EFR3A: variants seen among roughly 807,000 people sequenced by gnomAD.
EFR3A encodes the protein protein EFR3 homolog A.
In EFR3A, 76 loss-of-function variants were observed where a neutral mutation model predicts 104.4. The ratio of observed to expected loss-of-function variants is 0.73; its 90% CI spans 0.60 to 0.88. The LOEUF is 0.88. Among genes scored for constraint, EFR3A ranks in the 40% least tolerant of loss-of-function variants. The pLI is 0.00. For missense variants in EFR3A, 985 were observed against 1,012.5 expected (o/e 0.97, Z 0.37); for synonymous variants, 330 against 330.0 (o/e 1.00, Z 0.00).
At chr8:131,923,428 T>C (rs1817147977) in intron 1 of EFR3A, among the ~76,000 whole-genome samples, 1 of 152,066 alleles carries the variant, frequency 6.6e-6, no homozygotes, top group African/African-American at 2.4e-5. Flanking sequence ...TTGTACTCAT[T>C]CTTTCTAATG....
chr8:131,933,086 T>C (rs1817695478), intron 1 of EFR3A, among the ~76,000 whole-genome samples: 1 of 152,172 alleles, frequency 6.6e-6, no homozygotes, highest in Non-Finnish European at 1.5e-5. Context: ...ACAATGAAAA[T>C]GTTCTTTTTT....
rs1165723135 is a variant in EFR3A, at chr8:131,924,452, T to C, written c.11-16047T>C. On this transcript the variant is annotated intron_variant, in intron 1 of 22. Transcript: ENST00000254624. ...AGTCCAGGCTTAACATCCATATATA[T>C]GTACAAGGTTGTCTAAAGTTTTGAG... Among the ~76,000 whole-genome samples the C allele has an allele frequency of 2.0e-5, 3 of 152,114 alleles. No homozygotes were observed. In the East Asian group the frequency reaches 5.8e-4, roughly 29 times the overall value.
At chr8:131,968,216 G>T in intron 8 of EFR3A, 79 bp from the exon 9 acceptor site, 1 of 1,391,910 alleles carries the variant, frequency 7.2e-7, no homozygotes, top group South Asian at 1.4e-5. Context: ...TTACGTGTCA[G>T]GTGTTTTTTT....
chr8:131,929,480 T>A (rs1817476568), intron 1 of EFR3A, among the ~76,000 whole-genome samples: 1 of 152,170 alleles, frequency 6.6e-6, no homozygotes. Flanking sequence ...CTTAATTTAG[T>A]CATTACTTCT....
intron 1 of EFR3A, among the ~76,000 whole-genome samples, chr8:131,924,895 C>G (rs1336847959): frequency 6.6e-6 from 1 of 152,076 alleles, no homozygotes; most frequent in Non-Finnish European, 1.5e-5. Flanking sequence ...GTGGGTCCTT[C>G]TATTCTTTCA....
chr8:131,949,119 C>T (rs1818576448), intron 4 of EFR3A, among the ~76,000 whole-genome samples: 2 of 151,800 alleles, frequency 1.3e-5, no homozygotes, highest in Non-Finnish European at 2.9e-5. Context: ...TAAATAATAT[C>T]AATAAATGAT....
At chr8:131,983,938 AC>A (rs1820743970) in intron 14 of EFR3A, among the ~76,000 whole-genome samples, 200 bp from the exon 15 acceptor site, 1 of 152,200 alleles carries the variant, frequency 6.6e-6, no homozygotes, top group Non-Finnish European at 1.5e-5. Context: ...TTTGTCTTCA[AC>A]TTTAACATTA....
At chr8:131,972,807 T>C (rs1456575528) in intron 10 of EFR3A, among the ~76,000 whole-genome samples, 1 of 152,156 alleles carries the variant, frequency 6.6e-6, no homozygotes, top group African/African-American at 2.4e-5. Context: ...TGGGTAATTT[T>C]TTCACTTATG....
In EFR3A at chr8:132,013,470, CT is replaced by C. The variant is rs1256493473; in HGVS notation, c.*2577del. The C allele has an allele frequency of 6.6e-6, 1 of 152,530 alleles. No individual in the cohort carries two copies. Among genetic ancestry groups the C allele is most frequent in the East Asian group, 1.9e-4 (1 of 5,188 alleles). 9.4% of individuals were successfully genotyped at this position (152,530 alleles called of 1,614,324 possible). ...CTGTCTGAAAATGGAACTAATTTGT[CT>C]TATTCGTGCTTATATCTGTATTAAA... On this transcript the variant is annotated 3_prime_UTR_variant, in exon 23 of 23. Transcript: ENST00000254624.
In EFR3A at chr8:131,966,241, A is replaced by T. The variant is rs546912051; in HGVS notation, c.856-2054A>T. On this transcript the variant is annotated intron_variant, in intron 8 of 22. Transcript: ENST00000254624. ...AATAAATAAATAAAAAGCAACAAAA[A>T]AAAGAGTTTCTGCATGACCTTAGAC... Among the ~76,000 whole-genome samples the T allele has an allele frequency of 2.6e-5, 4 of 152,246 alleles. No individual in the cohort carries two copies. The East Asian group carries it at 5.8e-4, about 22-fold the overall frequency.
rs1445289458 is a variant in EFR3A at position 132,012,759 on chromosome 8, A to G, written c.*1864A>G. On this transcript the variant is annotated 3_prime_UTR_variant, in exon 23 of 23. Transcript: ENST00000254624. ...GTATGGAAAAAATATATATAATTTA[A>G]TAGTATAAAAAATAAAATATATATT... The G allele has an allele frequency of 6.6e-6, 1 of 152,286 alleles. No homozygotes were observed. Among genetic ancestry groups the G allele is most frequent in the Non-Finnish European group, 1.5e-5 (1 of 67,982 alleles). 9.4% of individuals were successfully genotyped at this position (152,286 alleles called of 1,614,324 possible).
chr8:131,954,614 G>A (rs1304943112), intron 6 of EFR3A, among the ~76,000 whole-genome samples: 1 of 149,874 alleles, frequency 6.7e-6, no homozygotes, highest in Non-Finnish European at 1.5e-5. Flanking sequence ...GAGATAATAA[G>A]TTAATAATAA....
At chr8:131,907,457 C>G (rs1816309157) in intron 1 of EFR3A, among the ~76,000 whole-genome samples, 1 of 152,184 alleles carries the variant, frequency 6.6e-6, no homozygotes, top group Non-Finnish European at 1.5e-5. Flanking sequence ...TGCTGTTAAA[C>G]TATACTTTGA....
At chr8:131,984,694 T>C (rs949349535) in intron 15 of EFR3A, among the ~76,000 whole-genome samples, 1 of 152,144 alleles carries the variant, frequency 6.6e-6, no homozygotes, top group Non-Finnish European at 1.5e-5. Flanking sequence ...TGTGTGTGTA[T>C]ATATATATGA....
At position 131,950,007 on chromosome 8, in the gene EFR3A, C is replaced by T. The variant is rs1818620022; in HGVS notation, c.405C>T (p.Ser135=). ...CAAATATTGAAGAAGACACACCATC[C>T]TATCACAGACGTTATGACTTTTTTG... is the stretch of plus-strand genomic sequence containing the variant. ...KFANIEEDTP[S]YHRRYDFFVS... is the part of the protein sequence containing the mutation. The change falls in exon 5 of 23, where the codon TCC becomes TCT. Residue 135 remains serine (S), a synonymous_variant. Coordinates refer to ENST00000254624, the MANE Select transcript of EFR3A (RefSeq NM_015137.6). The T allele has an allele frequency of 6.2e-7, 1 of 1,603,462 alleles. No homozygotes were observed. Among genetic ancestry groups the T allele is most frequent in the Non-Finnish European group, 8.5e-7 (1 of 1,176,138 alleles).
chr8:132,000,274 G>A (rs1324006586), intron 19 of EFR3A, among the ~76,000 whole-genome samples: 10 of 151,976 alleles, frequency 6.6e-5, no homozygotes, highest in African/African-American at 2.4e-4. Flanking sequence ...GACTACAGGC[G>A]CCTGCCACCA....
At position 131,985,194 on chromosome 8, in the gene EFR3A, ACTG is replaced by A. The variant is rs1820815441; in HGVS notation, c.1869+135_1869+137del. 3.5e-6 allele frequency: 3 copies of A among 864,676 alleles called. No homozygotes were observed. The Admixed American group carries it at 7.7e-5, about 22-fold the overall frequency. 53.6% of individuals were successfully genotyped at this position (864,676 alleles called of 1,614,324 possible). A position where few individuals can be genotyped will look rare whatever the true frequency, so the allele number is the denominator to read the frequency against. On this transcript the variant is annotated intron_variant, in intron 16 of 22. Coordinates refer to ENST00000254624, the MANE Select transcript of EFR3A (RefSeq NM_015137.6). ...TTCTATAAAAATCTACAGCCAGTAA[ACTG>A]AAACTACAGCTAAAACTGTAGCTAC...
chr8:131,974,396 C>T (rs1386136340), intron 10 of EFR3A, among the ~76,000 whole-genome samples: 1 of 152,132 alleles, frequency 6.6e-6, no homozygotes, highest in Non-Finnish European at 1.5e-5. Context: ...GTGCAGGGTA[C>T]TTTATGTCCT....
At chr8:131,984,782 T>A in intron 15 of EFR3A, 147 bp from the exon 16 acceptor site, 1 of 752,066 alleles carries the variant, frequency 1.3e-6, no homozygotes, top group East Asian at 2.7e-5. Flanking sequence ...TTTGTTTTCC[T>A]TTCAGAATTG....
Sources: allele counts gnomAD v4.1 joint callset (sites outside exome capture counted in the v4.1 genomes callset), GRCh38; gene constraint gnomAD v4.1.1; transcripts MANE v1.5; gene names NCBI Gene and HGNC (gene_info 2026-07-23, HGNC 2026-07-21).